Variants in RASGRF2 observed in about 807,000 individuals in gnomAD.
The protein encoded by RASGRF2 is Ras protein specific guanine nucleotide releasing factor 2.
In RASGRF2, 76 loss-of-function variants were observed where a neutral mutation model predicts 151.0. The observed-to-expected ratio is 0.50, with a 90% CI of 0.42 to 0.61. The LOEUF (loss-of-function observed/expected upper bound fraction) is 0.61. Ranked by LOEUF, RASGRF2 falls within the 20% of genes least tolerant of loss-of-function variation. The probability of loss-of-function intolerance (pLI) is 0.00; values close to 1 mark genes in which losing one functional copy is unlikely to be tolerated. For synonymous variants in RASGRF2, 504 were observed against 566.5 expected, an observed-to-expected ratio of 0.89 and a Z score of 1.57; for missense variants, 1,148 against 1,564.6, an observed-to-expected ratio of 0.73 and a Z score of 4.49.
intron 1 of RASGRF2, among the ~76,000 whole-genome samples, chr5:81,016,984 T>C (rs928880010): frequency 1.3e-5 from 2 of 152,186 alleles, no homozygotes; most frequent in African/African-American, 4.8e-5. Context: ...ACAAAGATAG[T>C]ATGACCACAC....
intron 17 of RASGRF2, among the ~76,000 whole-genome samples, chr5:81,142,079 A>G (rs1342470718): frequency 2.6e-5 from 4 of 152,220 alleles, no homozygotes; most frequent in Non-Finnish European, 4.4e-5. Context: ...TCCAGGGTCT[A>G]GATTACAAGC....
intron 22 of RASGRF2, among the ~76,000 whole-genome samples, chr5:81,211,304 C>G (rs1214271804): frequency 6.6e-6 from 1 of 152,088 alleles, no homozygotes; most frequent in African/African-American, 2.4e-5. Context: ...GTTTATGTAT[C>G]TGCGACCCTC....
At position 81,033,717 on chromosome 5, in the gene RASGRF2, C is replaced by T. The variant is rs541117182; in HGVS notation, c.289-9160C>T. ...ACCCTAGAAGAAAACCTAGGCAGTA[C>T]CATTCAGGACATAGGCATGGGCAAG... On this transcript the variant is annotated intron_variant, in intron 1 of 26. Transcript: ENST00000265080. 6.8e-4 allele frequency among the ~76,000 whole-genome samples: 104 copies of T among 152,286 alleles called. 1 individual carries two copies. Among genetic ancestry groups the T allele is most frequent in the East Asian group, 4.4e-3 (23 of 5,194 alleles).
At chr5:81,117,457 G>A (rs1387624446) in intron 15 of RASGRF2, among the ~76,000 whole-genome samples, 1 of 152,062 alleles carries the variant, frequency 6.6e-6, no homozygotes, top group Admixed American at 6.5e-5. Context: ...TGCAATAATG[G>A]CATTAATCCA....
intron 1 of RASGRF2, among the ~76,000 whole-genome samples, chr5:81,015,726 G>T (rs1424439874): frequency 6.6e-6 from 1 of 152,064 alleles, no homozygotes; most frequent in Non-Finnish European, 1.5e-5. Flanking sequence ...ATGATAATTT[G>T]ATTATTATAT....
chr5:80,993,471 G>A (rs1748720250), intron 1 of RASGRF2, among the ~76,000 whole-genome samples: 2 of 152,194 alleles, frequency 1.3e-5, no homozygotes, highest in African/African-American at 2.4e-5. Context: ...TGTAGTGAGA[G>A]CATTTAAATG....
intron 2 of RASGRF2, among the ~76,000 whole-genome samples, chr5:81,049,882 A>G (rs905810126): frequency 1.3e-5 from 2 of 152,044 alleles, no homozygotes; most frequent in Non-Finnish European, 2.9e-5. Flanking sequence ...ATTCACCAAC[A>G]TGTATTTTTC....
At chr5:81,038,120 C>T (rs1017180152) in intron 1 of RASGRF2, among the ~76,000 whole-genome samples, 1 of 152,178 alleles carries the variant, frequency 6.6e-6, no homozygotes, top group Admixed American at 6.5e-5. Context: ...TATCCTTTCT[C>T]CTGTTGGTGG....
At chr5:80,968,220 T>G (rs1747786494) in intron 1 of RASGRF2, among the ~76,000 whole-genome samples, 1 of 152,232 alleles carries the variant, frequency 6.6e-6, no homozygotes, top group African/African-American at 2.4e-5. Flanking sequence ...TAGAAAGTAT[T>G]TTCCTTTCCT....
At chr5:81,190,040 T>G (rs978343895) in intron 18 of RASGRF2, among the ~76,000 whole-genome samples, 4 of 152,254 alleles carry the variant, frequency 2.6e-5, no homozygotes, top group Non-Finnish European at 5.9e-5. Flanking sequence ...ACCCTTTTAT[T>G]ATTTATCAGC....
intron 17 of RASGRF2, among the ~76,000 whole-genome samples, chr5:81,155,159 A>C (rs2112627634): frequency 6.6e-6 from 1 of 152,338 alleles, no homozygotes. Context: ...TCAGTTAAGT[A>C]GTGTTTAGAG....
At chr5:81,200,840 A>G (rs1016516383) in intron 18 of RASGRF2, among the ~76,000 whole-genome samples, 9 of 152,140 alleles carry the variant, frequency 5.9e-5, no homozygotes, top group Admixed American at 4.6e-4. Context: ...ATAGAAATAC[A>G]TGTATGGAGG....
At chr5:81,196,473 T>C (rs1755267180) in intron 18 of RASGRF2, among the ~76,000 whole-genome samples, 1 of 152,214 alleles carries the variant, frequency 6.6e-6, no homozygotes, top group Admixed American at 6.5e-5. Flanking sequence ...CTTCAAATAG[T>C]GTCTTGGCAG....
rs187817341 is a variant in RASGRF2 at position 81,211,777 on chromosome 5, C to T, written c.3157-589C>T. 1.8e-4 allele frequency among the ~76,000 whole-genome samples: 28 copies of T among 152,232 alleles called. No individual in the cohort carries two copies. In the East Asian group the frequency reaches 5.0e-3, roughly 27 times the overall value. On this transcript the variant is annotated intron_variant, in intron 22 of 26. Coordinates refer to ENST00000265080, the MANE Select transcript of RASGRF2 (RefSeq NM_006909.3). ...AAACTGGCTTTAAGTAATAAAATTA[C>T]GGTACTTAGCCTCAAAACTATAGGT...
chr5:81,176,601 C>T (rs1348361554), intron 17 of RASGRF2, among the ~76,000 whole-genome samples: 1 of 151,990 alleles, frequency 6.6e-6, no homozygotes, highest in Non-Finnish European at 1.5e-5. Context: ...ACGGTTTGTG[C>T]GTTTTATAAT....
intron 18 of RASGRF2, among the ~76,000 whole-genome samples, chr5:81,200,289 A>G (rs974791095): frequency 2.7e-5 from 4 of 150,826 alleles, no homozygotes; most frequent in African/African-American, 4.9e-5. Flanking sequence ...AAAAAAAAAA[A>G]GAAGAAGAAT....
intron 1 of RASGRF2, among the ~76,000 whole-genome samples, chr5:80,988,082 G>A (rs1367000096): frequency 6.9e-6 from 1 of 144,794 alleles, no homozygotes; most frequent in African/African-American, 2.5e-5. Flanking sequence ...ACAGAGTCTT[G>A]CTGTCACACC....
chr5:81,039,714 A>G (rs1489006341), intron 1 of RASGRF2, among the ~76,000 whole-genome samples: 1 of 152,046 alleles, frequency 6.6e-6, no homozygotes, highest in Non-Finnish European at 1.5e-5. Context: ...CCATTAATAT[A>G]ACTTACCATA....
At chr5:80,971,692 A>G (rs1340868178) in intron 1 of RASGRF2, among the ~76,000 whole-genome samples, 1 of 151,632 alleles carries the variant, frequency 6.6e-6, no homozygotes, top group Non-Finnish European at 1.5e-5. Flanking sequence ...CAGCCCCCCA[A>G]GTAGCTGGGA....
Sources: allele counts gnomAD v4.1 joint callset (sites outside exome capture counted in the v4.1 genomes callset), GRCh38; gene constraint gnomAD v4.1.1; transcripts MANE v1.5; gene names NCBI Gene and HGNC (gene_info 2026-07-23, HGNC 2026-07-21).